Variants in TENM4 observed in about 807,000 individuals in gnomAD.
TENM4 encodes the protein teneurin transmembrane protein 4, also known as teneurin-4.
A neutral mutation model predicts 243.3 loss-of-function variants in TENM4; 82 were observed. The ratio of observed to expected loss-of-function variants is 0.34; its 90% CI spans 0.28 to 0.40. The LOEUF (loss-of-function observed/expected upper bound fraction) is 0.40, where lower values mean the gene tolerates loss of function less well. Among genes scored for constraint, TENM4 ranks in the 10% least tolerant of loss-of-function variants. The pLI is 1.00. For missense variants in TENM4, 3,138 were observed against 3,673.3 expected, an observed-to-expected ratio of 0.85 and a Z score of 3.77; for synonymous variants, 1,412 against 1,456.3, an observed-to-expected ratio of 0.97 and a Z score of 0.69.
intron 3 of TENM4, among the ~76,000 whole-genome samples, chr11:79,195,056 T>C (rs1388791780): frequency 1.3e-5 from 2 of 152,208 alleles, no homozygotes; most frequent in Admixed American, 1.3e-4. Context: ...GTTCAGGCTG[T>C]GGCTTCACAG....
chr11:78,670,165 A>G lies in TENM4; in HGVS notation c.6180T>C (p.Ile2060=), dbSNP rs753014217. Reference sequence around the variant, plus strand: ...AGATCTGTCGGTCAATCAGGGGCCCAATCTGACGGTAGCGGATGGTGCAGG... The same window carrying G: ...AGATCTGTCGGTCAATCAGGGGCCCGATCTGACGGTAGCGGATGGTGCAGG... The part of the protein sequence containing the change: ...GFTCTIRYRQ[I]GPLIDRQIFR... The change falls in exon 32 of 34, where the codon ATT becomes ATC. Residue 2060 remains isoleucine (I), a synonymous_variant. Coordinates refer to ENST00000278550, the MANE Select transcript of TENM4 (RefSeq NM_001098816.3). The G allele has an allele frequency of 6.2e-7, 1 of 1,613,964 alleles. No homozygotes were observed. Among genetic ancestry groups the G allele is most frequent in the Non-Finnish European group, 8.5e-7 (1 of 1,179,886 alleles).
intron 1 of TENM4, among the ~76,000 whole-genome samples, chr11:79,421,772 T>G (rs1294658704): frequency 6.6e-6 from 1 of 151,794 alleles, no homozygotes; most frequent in Non-Finnish European, 1.5e-5. Flanking sequence ...CGATCTACAG[T>G]AGGATTCCTT....
At chr11:78,921,931 G>A (rs957583482) in intron 6 of TENM4, among the ~76,000 whole-genome samples, 1 of 152,176 alleles carries the variant, frequency 6.6e-6, no homozygotes, top group Non-Finnish European at 1.5e-5. Context: ...GGAATAGCAC[G>A]AATGTCATCT....
intron 1 of TENM4, among the ~76,000 whole-genome samples, chr11:79,390,218 G>C (rs9666050): frequency 0.098 from 14,960 of 152,180 alleles, 886 homozygotes; most frequent in African/African-American, 0.16. Flanking sequence ...GCAAGAGAGG[G>C]GTCCAGGAGA....
intron 15 of TENM4, among the ~76,000 whole-genome samples, chr11:78,787,829 G>C (rs539812351): frequency 6.6e-6 from 1 of 152,286 alleles, no homozygotes; most frequent in Admixed American, 6.5e-5. Flanking sequence ...CCTTCACAAA[G>C]GCACATCTGT....
chr11:79,353,424 T>C (rs1164674932), intron 1 of TENM4, among the ~76,000 whole-genome samples: 1 of 152,192 alleles, frequency 6.6e-6, no homozygotes, highest in Non-Finnish European at 1.5e-5. Context: ...ATCTCATTTC[T>C]GGACTGTCTC....
In TENM4 at chr11:78,652,888, G is replaced by C. The variant is rs1392690227; in HGVS notation, c.*5170C>G. 1.3e-5 allele frequency: 2 copies of C among 152,202 alleles called. No individual in the cohort carries two copies. Among genetic ancestry groups the C allele is most frequent in the Admixed American group, 1.3e-4 (2 of 15,282 alleles). 9.4% of individuals were successfully genotyped at this position (152,202 alleles called of 1,614,324 possible). A position where few individuals can be genotyped will look rare whatever the true frequency, so the allele number is the denominator to read the frequency against. On this transcript the variant is annotated 3_prime_UTR_variant, in exon 34 of 34. Transcript: ENST00000278550. The stretch of plus-strand genomic sequence containing the variant: ...CAACGGCTCACATCCCTTGTGGAAG[G>C]CAGTGGCATGGTGGATGACTCTGTG...
In TENM4 at chr11:78,960,667, G is replaced by A. The variant is rs573819797; in HGVS notation, c.494-57144C>T. 2.0e-5 allele frequency among the ~76,000 whole-genome samples: 3 copies of A among 152,280 alleles called. No homozygotes were observed. The East Asian group carries it at 5.8e-4, about 29-fold the overall frequency. ...TCACTAATTTCTTCAAGTCCTGTAA[G>A]TGCCTCCTTTAGGAGGCATTTCCTA... is the stretch of plus-strand genomic sequence containing the variant. On this transcript the variant is annotated intron_variant, in intron 6 of 33. Transcript: ENST00000278550.
At position 79,156,808 on chromosome 11, in the gene TENM4, C is replaced by T. The variant is rs545843770; in HGVS notation, c.-162-8002G>A. Among the ~76,000 whole-genome samples the T allele has an allele frequency of 6.6e-4, 101 of 152,298 alleles. 1 individual carries two copies. Among genetic ancestry groups the T allele is most frequent in the African/African-American group, 2.3e-3 (95 of 41,558 alleles). ...AATTAATCTATGTATTTACTCTCTG[C>T]CTTGCTCCAAAAATAATTTAAGGAA... is the stretch of plus-strand genomic sequence containing the variant. On this transcript the variant is annotated intron_variant, in intron 3 of 33. Coordinates refer to ENST00000278550, the MANE Select transcript of TENM4 (RefSeq NM_001098816.3).
At chr11:78,893,071 G>A (rs1855704792) in intron 7 of TENM4, among the ~76,000 whole-genome samples, 1 of 152,238 alleles carries the variant, frequency 6.6e-6, no homozygotes, top group South Asian at 2.1e-4. Context: ...CAGTGGTGGT[G>A]GGGACCTCCT....
At chr11:79,382,098 C>T (rs868292806) in intron 1 of TENM4, among the ~76,000 whole-genome samples, 4 of 152,158 alleles carry the variant, frequency 2.6e-5, no homozygotes, top group African/African-American at 4.8e-5. Context: ...CACAATTTTC[C>T]GAAGGAGAAA....
chr11:79,050,096 T>C (rs1306631366), intron 6 of TENM4, among the ~76,000 whole-genome samples: 2 of 152,226 alleles, frequency 1.3e-5, no homozygotes, highest in Non-Finnish European at 2.9e-5. Flanking sequence ...AGCCAGGGTA[T>C]GGGCTCAGGT....
At chr11:79,201,056 G>A (rs1331320754) in intron 3 of TENM4, among the ~76,000 whole-genome samples, 2 of 152,150 alleles carry the variant, frequency 1.3e-5, no homozygotes, top group Non-Finnish European at 2.9e-5. Flanking sequence ...TGTTCCAACT[G>A]GTACAGCGGG....
At chr11:78,806,376 A>G (rs1023907629) in intron 14 of TENM4, among the ~76,000 whole-genome samples, 1 of 152,216 alleles carries the variant, frequency 6.6e-6, no homozygotes, top group South Asian at 2.1e-4. Flanking sequence ...CTGACTTTGC[A>G]CAGCTTCTCC....
At position 78,738,549 on chromosome 11, in the gene TENM4, G is replaced by T. The variant is rs370581184; in HGVS notation, c.2778C>A (p.Gly926=). The T allele has an allele frequency of 5.0e-6, 8 of 1,613,632 alleles. No individual in the cohort carries two copies. Among genetic ancestry groups the T allele is most frequent in the Non-Finnish European group, 6.8e-6 (8 of 1,179,732 alleles). ...FDGGHACVIR[G]QVMTSDGTPL... is the part of the protein sequence containing the mutation. ...GGGTTCCATCTGATGTCATCACTTG[G>T]CCACGAATAACACAAGCATGCCTGT... The change falls in exon 20 of 34, where the codon GGC becomes GGA. Residue 926 remains glycine, a synonymous_variant. Coordinates refer to ENST00000278550, the MANE Select transcript of TENM4 (RefSeq NM_001098816.3).
chr11:79,100,433 T>C (rs1861199741), intron 4 of TENM4, among the ~76,000 whole-genome samples: 1 of 152,144 alleles, frequency 6.6e-6, no homozygotes, highest in African/African-American at 2.4e-5. Context: ...GGCACTTCCA[T>C]ATTTATCATC....
At chr11:79,214,182 A>T (rs533592695) in intron 3 of TENM4, among the ~76,000 whole-genome samples, 3 of 152,130 alleles carry the variant, frequency 2.0e-5, no homozygotes, top group African/African-American at 7.2e-5. Context: ...TTTAGTAGAG[A>T]TGGGGTTTTA....
chr11:79,297,805 T>C (rs1391032189), intron 1 of TENM4, among the ~76,000 whole-genome samples: 2 of 152,170 alleles, frequency 1.3e-5, no homozygotes, highest in African/African-American at 2.4e-5. Context: ...TTCCAATCAT[T>C]TGGGCACTTT....
chr11:79,320,812 G>C (rs1856875897), intron 1 of TENM4, among the ~76,000 whole-genome samples: 1 of 152,168 alleles, frequency 6.6e-6, no homozygotes, highest in Non-Finnish European at 1.5e-5. Context: ...CTGAAATTCA[G>C]GTTTTCAAAT....
Sources: gnomAD v4.1 joint callset for allele counts (sites outside exome capture counted in the v4.1 genomes callset) on GRCh38, gnomAD v4.1.1 for gene constraint, MANE v1.5 for transcripts, NCBI Gene and HGNC (gene_info 2026-07-23, HGNC 2026-07-21) for gene names.